LARP1B: variants seen among roughly 807,000 people sequenced by gnomAD.
LARP1B encodes la-related protein 1B.
LARP1B carries 76 observed loss-of-function variants against 114.2 expected under a neutral mutation model. The ratio of observed to expected loss-of-function variants is 0.67; its 90% CI spans 0.55 to 0.81. The LOEUF (loss-of-function observed/expected upper bound fraction) is 0.81, where lower values mean the gene tolerates loss of function less well. Ranked by LOEUF, LARP1B falls within the 30% of genes least tolerant of loss-of-function variation. The pLI is 0.00. For synonymous variants in LARP1B, 345 were observed against 348.0 expected, an observed-to-expected ratio of 0.99 and a Z score of 0.10; for missense variants, 1,014 against 1,075.8, an observed-to-expected ratio of 0.94 and a Z score of 0.80.
chr4:128,094,009 C>A (rs1423594376), intron 7 of LARP1B, among the ~76,000 whole-genome samples: 1 of 151,492 alleles, frequency 6.6e-6, no homozygotes, highest in Non-Finnish European at 1.5e-5. Context: ...CCGTGCCTGA[C>A]CTTTTTTTTT....
intron 7 of LARP1B, among the ~76,000 whole-genome samples, chr4:128,097,781 G>A (rs1443846657): frequency 6.6e-6 from 1 of 152,052 alleles, no homozygotes; most frequent in Non-Finnish European, 1.5e-5. Flanking sequence ...AAGGTGGAAG[G>A]CATTATGCTA....
chr4:128,189,261 CCT>C (rs1491140228), intron 15 of LARP1B, among the ~76,000 whole-genome samples: 2 of 57,590 alleles, frequency 3.5e-5, no homozygotes, highest in Non-Finnish European at 7.7e-5. Context: ...CCTTCCGTGT[CCT>C]TTTTTTTTTT....
chr4:128,081,844 C>T (rs1207077490), intron 4 of LARP1B, among the ~76,000 whole-genome samples: 3 of 152,218 alleles, frequency 2.0e-5, no homozygotes, highest in Admixed American at 6.5e-5. Context: ...AAGCTATTCT[C>T]GTGCCTCAGC....
intron 3 of LARP1B, among the ~76,000 whole-genome samples, chr4:128,075,838 T>C (rs1263242172): frequency 2.6e-5 from 4 of 151,638 alleles, no homozygotes; most frequent in African/African-American, 7.3e-5. Context: ...TTAGCCACCA[T>C]ACCTCGCCTA....
chr4:128,193,391 C>G (rs778617474), intron 15 of LARP1B, among the ~76,000 whole-genome samples: 2 of 152,142 alleles, frequency 1.3e-5, no homozygotes, highest in Non-Finnish European at 2.9e-5. Context: ...AACACATACA[C>G]ACACCTATAA....
chr4:128,069,445 A>G, intron 1 of LARP1B: 4 of 759,470 alleles, frequency 5.3e-6, no homozygotes, highest in Non-Finnish European at 9.7e-6. Flanking sequence ...CGAATCCTAT[A>G]TATAACATAA....
upstream of LARP1B, among the ~76,000 whole-genome samples, chr4:128,061,099 G>A (rs1211469226): frequency 3.9e-5 from 6 of 152,010 alleles, no homozygotes; most frequent in African/African-American, 1.2e-4. Flanking sequence ...AGTGAGCCGG[G>A]AGTCGTCCCC....
At chr4:128,123,123 C>T in intron 11 of LARP1B, 1 of 985,400 alleles carries the variant, frequency 1.0e-6, no homozygotes, top group South Asian at 4.7e-5. Flanking sequence ...ATATCATCAA[C>T]AAGAAGTGTG....
intron 1 of LARP1B, among the ~76,000 whole-genome samples, chr4:128,067,027 C>T (rs570059242): frequency 1.3e-5 from 2 of 151,872 alleles, no homozygotes; most frequent in Non-Finnish European, 2.9e-5. Flanking sequence ...AGGCTGGTCT[C>T]GAGCTCCTGA....
chr4:128,139,155 AAAT>A (rs1242150392), intron 11 of LARP1B, among the ~76,000 whole-genome samples: 1 of 152,136 alleles, frequency 6.6e-6, no homozygotes, highest in Non-Finnish European at 1.5e-5. Context: ...AAATAGAAGA[AAAT>A]AAAGAAAAAT....
intron 9 of LARP1B, among the ~76,000 whole-genome samples, chr4:128,111,393 A>G (rs187967423): frequency 8.2e-4 from 125 of 152,178 alleles, no homozygotes; most frequent in African/African-American, 2.8e-3. Flanking sequence ...TTGATAATTC[A>G]TAGTATTAGA....
intron 9 of LARP1B, among the ~76,000 whole-genome samples, chr4:128,109,749 G>C (rs772518624): frequency 5.3e-5 from 8 of 149,556 alleles, no homozygotes; most frequent in Non-Finnish European, 1.2e-4. Context: ...ACCACTCAAT[G>C]AAAATTTTAA....
At chr4:128,088,131 G>A (rs1011349991) in intron 5 of LARP1B, among the ~76,000 whole-genome samples, 2 of 151,980 alleles carry the variant, frequency 1.3e-5, no homozygotes. Flanking sequence ...AGAGTTCCAG[G>A]CTGCAGTGAG....
At chr4:128,138,426 T>C (rs1204022645) in intron 11 of LARP1B, among the ~76,000 whole-genome samples, 1 of 152,208 alleles carries the variant, frequency 6.6e-6, no homozygotes, top group African/African-American at 2.4e-5. Flanking sequence ...CTTCAAACTC[T>C]ATAATAACTT....
intron 17 of LARP1B, among the ~76,000 whole-genome samples, chr4:128,205,414 C>T (rs188981434): frequency 5.1e-4 from 77 of 152,328 alleles, no homozygotes; most frequent in South Asian, 3.1e-3. Flanking sequence ...CCTTGTTTCA[C>T]TCTCATGGGT....
chr4:128,091,415 C>G lies in LARP1B; in HGVS notation c.571C>G (p.Leu191Val), dbSNP rs1354250985. Residue 191 changes from leucine (L) to valine (V), a missense_variant, in exon 7 of 20, where the codon CTT becomes GTT. Coordinates refer to ENST00000326639, the MANE Select transcript of LARP1B (RefSeq NM_018078.4). ...GACTGATCAACCATTTCAAACAGAA[C>G]TTAATACCAGTATGATGTATTACTA... ...ERTDQPFQTE[L>V]NTSMMYYYDD... 4 of 1,610,292 alleles carry G rather than the reference C, an allele frequency of 2.5e-6. No homozygotes were observed. The South Asian group carries it at 4.4e-5, about 18-fold the overall frequency.
chr4:128,081,755 T>A (rs1469606502), intron 4 of LARP1B, among the ~76,000 whole-genome samples: 1 of 152,090 alleles, frequency 6.6e-6, no homozygotes. Flanking sequence ...TAAGATTCTA[T>A]CTTGGACAAC....
intron 11 of LARP1B, 75 bp downstream of exon 11, chr4:128,122,263 C>T: frequency 3.2e-6 from 5 of 1,556,988 alleles, no homozygotes; most frequent in Non-Finnish European, 3.5e-6. Flanking sequence ...TTTTCTCAAA[C>T]TTGAGGCTCT....
intron 7 of LARP1B, among the ~76,000 whole-genome samples, chr4:128,095,489 CAAAAAAAAA>C (rs11311661): frequency 3.4e-4 from 21 of 61,270 alleles, no homozygotes; most frequent in East Asian, 1.2e-3. Flanking sequence ...AACTCCATCT[CAAAAAAAAA>C]AAAAAAAAAA....
Sources: allele counts gnomAD v4.1 joint callset (sites outside exome capture counted in the v4.1 genomes callset), GRCh38; gene constraint gnomAD v4.1.1; transcripts MANE v1.5; gene names NCBI Gene and HGNC (gene_info 2026-07-23, HGNC 2026-07-21).